Variants in KNG1 observed in about 807,000 individuals in gnomAD.
KNG1 encodes the protein kininogen 1, also known as kininogen-1.
A neutral mutation model predicts 47.8 loss-of-function variants in KNG1; 23 were observed. The ratio of observed to expected loss-of-function variants is 0.48; its 90% CI spans 0.35 to 0.68. The LOEUF is 0.68. KNG1 is among the 30% of genes least tolerant of loss of function. KNG1 has a pLI of 0.01. For missense variants in KNG1, 762 were observed against 790.2 expected (o/e 0.96, Z 0.43); for synonymous variants, 277 against 277.0 (o/e 1.00, Z 0.00).
chr3:186,722,221 T>C, intron 2 of KNG1: 1 of 553,478 alleles, frequency 1.8e-6, no homozygotes, highest in Admixed American at 3.1e-5. Context: ...ATTTACACTG[T>C]CTTTCCTCCA....
intron 4 of KNG1, among the ~76,000 whole-genome samples, chr3:186,726,647 G>C (rs5030022): frequency 0.028 from 4,193 of 152,178 alleles, 180 homozygotes; most frequent in African/African-American, 0.097. Context: ...CTTATTATGA[G>C]TGATTCCCTT....
chr3:186,720,674 T>G (rs930980213), intron 2 of KNG1: 2 of 178,982 alleles, frequency 1.1e-5, no homozygotes, highest in East Asian at 2.8e-4. Context: ...CTCATCAGGT[T>G]GTTGGAGGAT....
rs2108623139 is a variant in KNG1 at position 186,725,177 on chromosome 3, A to G, written c.481A>G (p.Arg161Gly). Residue 161 changes from arginine to glycine, a missense_variant, in exon 4 of 10, where the codon AGA (arginine) becomes GGA (glycine). Transcript: ENST00000644859. Reference protein sequence around the residue: ...TQSPDLEPILRHGIQYFNNNT... With the variant: ...TQSPDLEPILGHGIQYFNNNT... ...GAGCCCAGACCTGGAGCCCATTCTG[A>G]GACACGGCATTCAGTACTTTAACAA... The G allele has an allele frequency of 6.2e-7, 1 of 1,614,190 alleles. No homozygotes were observed. The highest frequency in any genetic ancestry group is 8.5e-7 in the Non-Finnish European group (1 of 1,180,018).
At chr3:186,727,089 AT>A in intron 4 of KNG1, 147 bp from the exon 5 acceptor site, 2 of 645,916 alleles carry the variant, frequency 3.1e-6, no homozygotes, top group East Asian at 2.8e-5. Context: ...TTTATTCAGC[AT>A]TTTTTTGCCT....
At chr3:186,718,517 G>A (rs1523435) in intron 1 of KNG1, 51,967 of 150,772 alleles carry the variant, frequency 0.34, 9,248 homozygotes, top group South Asian at 0.44. Flanking sequence ...GGAGGACAGA[G>A]TATGACTCGT....
chr3:186,727,166 C>T, intron 4 of KNG1, 71 bp from the exon 5 acceptor site: 1 of 1,049,960 alleles, frequency 9.5e-7, no homozygotes, highest in Non-Finnish European at 1.5e-6. Flanking sequence ...CTAAACTCCT[C>T]ATAACATTCA....
intron 2 of KNG1, among the ~76,000 whole-genome samples, chr3:186,720,762 A>T: frequency 7.0e-6 from 1 of 143,118 alleles, no homozygotes; most frequent in Admixed American, 7.0e-5. Context: ...GGCCTGGCAC[A>T]CCATAGCTGG....
At chr3:186,733,320 A>T (rs928635328) in intron 7 of KNG1, among the ~76,000 whole-genome samples, 32 of 152,208 alleles carry the variant, frequency 2.1e-4, no homozygotes, top group Non-Finnish European at 2.2e-4. Flanking sequence ...TAGGGCCAGG[A>T]AGACTTACGC....
chr3:186,740,573 T>A (rs1394477214), intron 9 of KNG1, among the ~76,000 whole-genome samples: 1 of 152,178 alleles, frequency 6.6e-6, no homozygotes, highest in Non-Finnish European at 1.5e-5. Flanking sequence ...AAAGTGTAGG[T>A]AGAATTAATC....
chr3:186,720,419 G>A, intron 2 of KNG1: 1 of 584,590 alleles, frequency 1.7e-6, no homozygotes, highest in Non-Finnish European at 3.1e-6. Context: ...GTTAAACATG[G>A]AGAAAGCCTT....
intron 2 of KNG1, 21 bp from the exon 3 acceptor site, chr3:186,722,416 A>G: frequency 6.3e-7 from 1 of 1,580,112 alleles, no homozygotes; most frequent in South Asian, 1.1e-5. Flanking sequence ...AAGATAAATG[A>G]TCTCTTTCTT....
At position 186,717,668 on chromosome 3, in the gene KNG1, G is replaced by T. The variant is rs1244366598; in HGVS notation, c.126G>T (p.Lys42Asn). ...DLFKAVDAAL[K>N]KYNSQNQSNN... ...TTAAAGCTGTGGATGCTGCTCTGAA[G>T]AAATATAACAGTCAAAACCAAAGTA... Residue 42 changes from lysine (K) to asparagine (N), a missense_variant, in exon 1 of 10, where the codon AAG (lysine) becomes AAT (asparagine). By Grantham distance (94) the Lys-to-Asn change is moderately conservative. Coordinates refer to ENST00000644859, the MANE Select transcript of KNG1 (RefSeq NM_001102416.3). 6.2e-7 allele frequency: 1 copy of T among 1,613,170 alleles called. No individual in the cohort carries two copies.
At chr3:186,731,122 G>A (rs1720519675) in intron 5 of KNG1, among the ~76,000 whole-genome samples, 1 of 152,018 alleles carries the variant, frequency 6.6e-6, no homozygotes, top group Non-Finnish European at 1.5e-5. Context: ...TACTAATACT[G>A]TAGTTCCTGC....
chr3:186,739,559 T>A (rs112713091), intron 9 of KNG1, 145 bp downstream of exon 9: 1 of 714,174 alleles, frequency 1.4e-6, no homozygotes, highest in Non-Finnish European at 2.6e-6. Flanking sequence ...TCTGTGCTGA[T>A]CTCTGTTTAA....
At chr3:186,718,866 A>G (rs988192486) in intron 1 of KNG1, among the ~76,000 whole-genome samples, 12 of 152,198 alleles carry the variant, frequency 7.9e-5, no homozygotes, top group Non-Finnish European at 1.8e-4. Context: ...GCAATGATGC[A>G]CTCCAGCAGG....
chr3:186,735,858 G>C (rs989977005), intron 7 of KNG1: 3 of 152,236 alleles, frequency 2.0e-5, no homozygotes, highest in Non-Finnish European at 4.4e-5. Flanking sequence ...GCCCAGGCTG[G>C]ACTCGAACTC....
Position 186,742,360 on chromosome 3 carries a change from A to G in KNG1, c.*29A>G, listed in dbSNP as rs761592404. 6.2e-7 allele frequency: 1 copy of G among 1,611,748 alleles called. No homozygotes were observed. Among genetic ancestry groups the G allele is most frequent in the Non-Finnish European group, 8.5e-7 (1 of 1,179,906 alleles). On this transcript the variant is annotated 3_prime_UTR_variant, in exon 10 of 10. Transcript: ENST00000644859. ...AAGTGGCTATGGGTATTTCTTTCAT[A>G]CTTTATTAAAGTATCAATATCCCTC...
intron 5 of KNG1, among the ~76,000 whole-genome samples, chr3:186,728,176 A>G (rs910076253): frequency 1.3e-5 from 2 of 152,226 alleles, no homozygotes; most frequent in African/African-American, 4.8e-5. Context: ...TTAAAATGGT[A>G]TATCTCAAGG....
At chr3:186,719,467 G>A (rs1444059124) in intron 1 of KNG1, among the ~76,000 whole-genome samples, 2 of 152,166 alleles carry the variant, frequency 1.3e-5, no homozygotes, top group Admixed American at 1.3e-4. Flanking sequence ...TGGGCCGGGC[G>A]CGGTGGCTCA....
Sources: allele counts gnomAD v4.1 joint callset (sites outside exome capture counted in the v4.1 genomes callset), GRCh38; gene constraint gnomAD v4.1.1; transcripts MANE v1.5; gene names NCBI Gene and HGNC (gene_info 2026-07-23, HGNC 2026-07-21).